The following SRD5A3 variants were observed in gnomAD, a reference collection of about 807,000 sequenced individuals.
SRD5A3 encodes polyprenal reductase.
Under a neutral mutation model 34.3 loss-of-function variants are expected in SRD5A3, and 24 were observed. The ratio of observed to expected loss-of-function variants is 0.70; its 90% confidence interval spans 0.51 to 0.99. SRD5A3 has a LOEUF of 0.99. Ranked by LOEUF, SRD5A3 falls within the 50% of genes least tolerant of loss-of-function variation. The pLI, the probability that SRD5A3 is intolerant of heterozygous loss-of-function variation, is 0.00. For synonymous variants in SRD5A3, 161 were observed against 167.3 expected (o/e 0.96, Z 0.29); for missense variants, 350 against 388.2 (o/e 0.90, Z 0.83).
At chr4:55,359,321 T>C in intron 1 of SRD5A3, 25 bp from the exon 2 acceptor site, 2 of 1,613,524 alleles carry the variant, frequency 1.2e-6, no homozygotes, top group Non-Finnish European at 1.7e-6. Flanking sequence ...CCCTAATTAT[T>C]GCCTCGCTTG....
At chr4:55,356,807 A>G (rs988864025) in intron 1 of SRD5A3, among the ~76,000 whole-genome samples, 13 of 151,870 alleles carry the variant, frequency 8.6e-5, no homozygotes, top group African/African-American at 3.1e-4. Context: ...CCTCCTGGGT[A>G]GCCTAGAGGG....
chr4:55,359,586 C>T, intron 2 of SRD5A3, 98 bp downstream of exon 2: 1 of 1,522,676 alleles, frequency 6.6e-7, no homozygotes, highest in East Asian at 2.3e-5. Context: ...TCTCTCGGCA[C>T]CTCCTCAGAA....
In SRD5A3 at chr4:55,346,373, A is replaced by T; in HGVS notation, c.37A>T (p.Asn13Tyr). The T allele has an allele frequency of 6.4e-7, 1 of 1,564,496 alleles. No homozygotes were observed. ...GGCGGAGGCCGAGCACTCGGCGCTG[A>T]ACCCGCTGCGCGCGGTGTGGCTCAC... is the stretch of plus-strand genomic sequence containing the variant. ...PWAEAEHSAL[N>Y]PLRAVWLTLT... Residue 13 changes from asparagine to tyrosine, a missense_variant, in exon 1 of 5, where the codon AAC becomes TAC. Physicochemically the swap from Asn to Tyr is moderately radical, Grantham distance 143. Transcript: ENST00000264228.
In SRD5A3 at chr4:55,371,885, C is replaced by A. The variant is rs185843453; in HGVS notation, c.*1794C>A. 7.9e-5 allele frequency: 12 copies of A among 152,298 alleles called. No homozygotes were observed. The highest frequency in any genetic ancestry group is 1.7e-4 in the African/African-American group (7 of 41,572). The allele number at this position is 152,298 out of a possible 1,614,324, so 9.4% of individuals were successfully genotyped here. A position where few individuals can be genotyped will look rare whatever the true frequency, so the allele number is the denominator to read the frequency against. On this transcript the variant is annotated 3_prime_UTR_variant, in exon 5 of 5. Transcript: ENST00000264228. ...GGCCAGGCTGGTCTCAAACTCCTGACCTCAGGTGATCCACCTGCTTCGGCC... is the reference window on the plus strand; with the variant it reads ...GGCCAGGCTGGTCTCAAACTCCTGAACTCAGGTGATCCACCTGCTTCGGCC...
chr4:55,348,418 C>A (rs1047473535), intron 1 of SRD5A3, among the ~76,000 whole-genome samples: 1 of 152,140 alleles, frequency 6.6e-6, no homozygotes, highest in Admixed American at 6.5e-5. Flanking sequence ...AAATTTTATA[C>A]CCCTGTTTAT....
rs1246926880 is a variant in SRD5A3 at position 55,353,952 on chromosome 4, A to G, written c.222-5394A>G. On this transcript the variant is annotated intron_variant, in intron 1 of 4. Coordinates refer to ENST00000264228, the MANE Select transcript of SRD5A3 (RefSeq NM_024592.5). ...CCAGAAGGAACCAATTCTGGACACA[A>G]TAGCACCTGCTGGTCTCATTGGTGG... Among the ~76,000 whole-genome samples, 6 of 152,316 alleles carry G rather than the reference A, an allele frequency of 3.9e-5. No individual in the cohort carries two copies. The South Asian group carries it at 6.2e-4, about 16-fold the overall frequency.
chr4:55,361,664 C>G (rs553756960), intron 2 of SRD5A3, among the ~76,000 whole-genome samples: 1 of 151,808 alleles, frequency 6.6e-6, no homozygotes, highest in East Asian at 2.0e-4. Context: ...ATTAGCGGGA[C>G]GTGGTGGCGC....
rs1373804711 is a variant in SRD5A3, at chr4:55,372,656, C to A, written c.*2565C>A. The A allele has an allele frequency of 1.3e-5, 2 of 152,038 alleles. No homozygotes were observed. Among genetic ancestry groups the A allele is most frequent in the Non-Finnish European group, 2.9e-5 (2 of 68,026 alleles). The allele number at this position is 152,038 out of a possible 1,614,324, so 9.4% of individuals were successfully genotyped here. ...GACTTTGCAAATTCTTCACAAGGACCCAGAAATAGCTTAAAGATTCATGGT... is the reference window on the plus strand; with the variant it reads ...GACTTTGCAAATTCTTCACAAGGACACAGAAATAGCTTAAAGATTCATGGT... On this transcript the variant is annotated 3_prime_UTR_variant, in exon 5 of 5. Transcript: ENST00000264228.
chr4:55,354,690 C>G (rs1719366492), intron 1 of SRD5A3, among the ~76,000 whole-genome samples: 1 of 152,210 alleles, frequency 6.6e-6, no homozygotes, highest in Non-Finnish European at 1.5e-5. Flanking sequence ...CTCAGTGAGG[C>G]CCCTCCCTGT....
intron 1 of SRD5A3, among the ~76,000 whole-genome samples, chr4:55,351,171 C>G (rs1719178071): frequency 6.6e-6 from 1 of 151,662 alleles, no homozygotes; most frequent in Non-Finnish European, 1.5e-5. Context: ...CTCCCGGGTT[C>G]AAGCGATTCT....
intron 1 of SRD5A3, chr4:55,352,410 G>A (rs547449822): frequency 1.3e-6 from 1 of 763,334 alleles, no homozygotes; most frequent in African/African-American, 1.7e-5. Context: ...CTTCCCCATG[G>A]TCACACCACA....
At chr4:55,346,651 G>A (rs918063026) in intron 1 of SRD5A3, 94 bp downstream of exon 1, 2 of 1,240,086 alleles carry the variant, frequency 1.6e-6, no homozygotes, top group Non-Finnish European at 2.1e-6. Context: ...CAGCAGAGGC[G>A]GGACCCGGCC....
At position 55,346,391 on chromosome 4, in the gene SRD5A3, T is replaced by C; in HGVS notation, c.55T>C (p.Trp19Arg). The change falls in exon 1 of 5, where the codon TGG becomes CGG. Residue 19 changes from tryptophan to arginine, a missense_variant. Coordinates refer to ENST00000264228, the MANE Select transcript of SRD5A3 (RefSeq NM_024592.5). ...GGCGCTGAACCCGCTGCGCGCGGTG[T>C]GGCTCACGCTGACCGCCGCCTTCCT... ...HSALNPLRAV[W>R]LTLTAAFLLT... 6.3e-7 allele frequency: 1 copy of C among 1,579,808 alleles called. No homozygotes were observed. Among genetic ancestry groups the C allele is most frequent in the South Asian group, 1.1e-5 (1 of 87,116 alleles).
chr4:55,351,937 C>A (rs539142891), intron 1 of SRD5A3: 62 of 719,020 alleles, frequency 8.6e-5, no homozygotes, highest in South Asian at 8.1e-4. Context: ...TCAACTGTGG[C>A]CACAATATAA....
Position 55,372,319 on chromosome 4 carries a change from C to T in SRD5A3, c.*2228C>T, listed in dbSNP as rs922391013. ...GTAAAATAACGAGCATCCCATGACG[C>T]ACCCTGTCAGGGGTTGTGAGAAAGC... is the stretch of plus-strand genomic sequence containing the variant. On this transcript the variant is annotated 3_prime_UTR_variant, in exon 5 of 5. Coordinates refer to ENST00000264228, the MANE Select transcript of SRD5A3 (RefSeq NM_024592.5). The T allele has an allele frequency of 6.6e-6, 1 of 152,176 alleles. No individual in the cohort carries two copies. The highest frequency in any genetic ancestry group is 2.4e-5 in the African/African-American group (1 of 41,430). The allele number at this position is 152,176 out of a possible 1,614,324, so 9.4% of individuals were successfully genotyped here.
rs1292329181 is a variant in SRD5A3 at position 55,372,118 on chromosome 4, T to C, written c.*2027T>C. The C allele has an allele frequency of 6.6e-6, 1 of 152,206 alleles. No individual in the cohort carries two copies. The highest frequency in any genetic ancestry group is 1.5e-5 in the Non-Finnish European group (1 of 68,034). The allele number at this position is 152,206 out of a possible 1,614,324, so 9.4% of individuals were successfully genotyped here. A position where few individuals can be genotyped will look rare whatever the true frequency, so the allele number is the denominator to read the frequency against. On this transcript the variant is annotated 3_prime_UTR_variant, in exon 5 of 5. Transcript: ENST00000264228. ...AATTTGCCATTCTCAGGAACAAAAC[T>C]TTTTGTACATTGGAAATGGAAAACA...
At chr4:55,352,024 T>G (rs1560366002) in intron 1 of SRD5A3, 3 of 767,480 alleles carry the variant, frequency 3.9e-6, no homozygotes, top group Non-Finnish European at 2.4e-6. Context: ...ATCCTTCAAA[T>G]CTTGGATCCT....
intron 1 of SRD5A3, among the ~76,000 whole-genome samples, chr4:55,355,452 C>T (rs1201527595): frequency 1.4e-5 from 2 of 147,476 alleles, no homozygotes; most frequent in East Asian, 2.0e-4. Flanking sequence ...AGCGAGACTC[C>T]GTCTGAAAAA....
intron 2 of SRD5A3, among the ~76,000 whole-genome samples, chr4:55,360,169 C>T (rs1159041052): frequency 4.1e-5 from 6 of 145,678 alleles, no homozygotes; most frequent in Admixed American, 7.0e-5. Context: ...GAGCTGAGAT[C>T]GGGCCACTGC....
Sources: allele counts gnomAD v4.1 joint callset (sites outside exome capture counted in the v4.1 genomes callset), GRCh38; gene constraint gnomAD v4.1.1; transcripts MANE v1.5; gene names NCBI Gene and HGNC (gene_info 2026-07-23, HGNC 2026-07-21).